CCDC60: variants seen among roughly 807,000 people sequenced by gnomAD.
The protein encoded by CCDC60 is coiled-coil domain containing 60.
A neutral mutation model predicts 63.5 loss-of-function variants in CCDC60; 54 were observed. The observed-to-expected ratio is 0.85, with a 90% CI of 0.68 to 1.07. The LOEUF (loss-of-function observed/expected upper bound fraction) is 1.07, where lower values mean the gene tolerates loss of function less well. CCDC60 is among the 50% of genes least tolerant of loss of function. CCDC60 has a pLI of 0.00. For missense variants in CCDC60, 651 were observed against 684.3 expected (o/e 0.95, Z 0.54); for synonymous variants, 206 against 238.8 (o/e 0.86, Z 1.27).
At chr12:119,474,517 A>C (rs1159458640) in intron 3 of CCDC60, among the ~76,000 whole-genome samples, 1 of 152,192 alleles carries the variant, frequency 6.6e-6, no homozygotes, top group East Asian at 1.9e-4. Context: ...AACAGAGAGC[A>C]GATTGTTGGT....
At chr12:119,525,600 G>C (rs1952659231) in intron 11 of CCDC60, among the ~76,000 whole-genome samples, 1 of 152,170 alleles carries the variant, frequency 6.6e-6, no homozygotes, top group African/African-American at 2.4e-5. Context: ...CAAATGTTGA[G>C]GGACTTAATC....
chr12:119,523,184 C>A (rs1351670674), intron 10 of CCDC60, among the ~76,000 whole-genome samples, 183 bp downstream of exon 10: 1 of 152,206 alleles, frequency 6.6e-6, no homozygotes, highest in East Asian at 1.9e-4. Flanking sequence ...AGCAGCAATG[C>A]AGACAATGGC....
intron 1 of CCDC60, among the ~76,000 whole-genome samples, chr12:119,393,596 G>A (rs991406449): frequency 6.6e-6 from 1 of 152,194 alleles, no homozygotes; most frequent in Non-Finnish European, 1.5e-5. Flanking sequence ...AATGTACATG[G>A]AATAAATGCA....
intron 1 of CCDC60, among the ~76,000 whole-genome samples, chr12:119,419,101 G>C (rs540598998): frequency 2.0e-5 from 3 of 152,292 alleles, no homozygotes; most frequent in Non-Finnish European, 2.9e-5. Flanking sequence ...CTTTGCTCTG[G>C]ATCTCCCTGT....
chr12:119,506,619 G>A (rs990943141), intron 7 of CCDC60, among the ~76,000 whole-genome samples: 1 of 151,518 alleles, frequency 6.6e-6, no homozygotes, highest in African/African-American at 2.4e-5. Context: ...CTCAAAAAGA[G>A]AAAAGAAGAG....
intron 5 of CCDC60, among the ~76,000 whole-genome samples, chr12:119,499,799 G>C (rs1221568843): frequency 2.0e-5 from 3 of 152,066 alleles, no homozygotes; most frequent in African/African-American, 7.2e-5. Context: ...TCTAGGAGAG[G>C]ACCGAGTCTA....
chr12:119,507,507 CATATATATACAT>C (rs1566049860), intron 7 of CCDC60, among the ~76,000 whole-genome samples: 1 of 122,178 alleles, frequency 8.2e-6, no homozygotes, highest in Non-Finnish European at 1.6e-5. Context: ...TATATACACA[CATATATATACAT>C]ATATATACAC....
chr12:119,428,690 A>G lies in CCDC60; in HGVS notation c.98A>G (p.Asp33Gly), dbSNP rs1340370541. 6.2e-7 allele frequency: 1 copy of G among 1,600,902 alleles called. No homozygotes were observed. Among genetic ancestry groups the G allele is most frequent in the Admixed American group, 1.7e-5 (1 of 58,892 alleles). The change falls in exon 2 of 14, where the codon GAC becomes GGC. Residue 33 changes from aspartate to glycine, a missense_variant. Transcript: ENST00000327554. ...YASENLRQVP[D>G]KPMKSIKYMD... ...CCCTTGTCTTCTCATCAGGTCCCAG[A>G]CAAGCCAATGAAGAGCATCAAGTAT... is the stretch of plus-strand genomic sequence containing the variant.
Position 119,540,819 on chromosome 12 carries a change from T to C in CCDC60, c.*104T>C. The stretch of plus-strand genomic sequence containing the variant: ...GCCTCCTGACTACCCTCATGGATGC[T>C]CTTTATGGATGACCCTTTACAGTAG... On this transcript the variant is annotated 3_prime_UTR_variant, in exon 14 of 14. Coordinates refer to ENST00000327554, the MANE Select transcript of CCDC60 (RefSeq NM_178499.5). 1 of 764,188 alleles carries C rather than the reference T, an allele frequency of 1.3e-6. No individual in the cohort carries two copies. The highest frequency in any genetic ancestry group is 2.2e-6 in the Non-Finnish European group (1 of 457,164). 47.3% of individuals were successfully genotyped at this position (764,188 alleles called of 1,614,324 possible).
At position 119,456,054 on chromosome 12, in the gene CCDC60, A is replaced by G. The variant is rs1593114671; in HGVS notation, c.171-15940A>G. On this transcript the variant is annotated intron_variant, in intron 2 of 13. Coordinates refer to ENST00000327554, the MANE Select transcript of CCDC60 (RefSeq NM_178499.5). This position sits in a 1 kb window ranked among gnomAD's most constrained non-coding sequence, Gnocchi z 4.6. ...AAGAAAGAAAGAAAGAAAGAAAGAAAGAAAGAAAGCAAGCAAGCATGTGCA... is the reference window on the plus strand; with the variant it reads ...AAGAAAGAAAGAAAGAAAGAAAGAAGGAAAGAAAGCAAGCAAGCATGTGCA... Among the ~76,000 whole-genome samples the G allele has an allele frequency of 7.2e-6, 1 of 139,326 alleles. No homozygotes were observed. Among genetic ancestry groups the G allele is most frequent in the East Asian group, 2.4e-4 (1 of 4,120 alleles). 91.4% of individuals were successfully genotyped at this position (139,326 alleles called of 152,430 possible). A position where few individuals can be genotyped will look rare whatever the true frequency, so the allele number is the denominator to read the frequency against.
intron 4 of CCDC60, among the ~76,000 whole-genome samples, chr12:119,481,649 T>G (rs937183787): frequency 2.6e-5 from 4 of 152,080 alleles, no homozygotes; most frequent in African/African-American, 9.7e-5. Flanking sequence ...CAGGTGGTGT[T>G]TGGTTACATC....
intron 2 of CCDC60, among the ~76,000 whole-genome samples, chr12:119,448,271 C>G (rs1350786932): frequency 6.6e-6 from 1 of 151,914 alleles, no homozygotes; most frequent in Admixed American, 6.5e-5. Flanking sequence ...ATGAAATCGT[C>G]AAGTGGTATA....
intron 2 of CCDC60, among the ~76,000 whole-genome samples, chr12:119,451,951 T>C (rs1289871039): frequency 6.6e-6 from 1 of 152,168 alleles, no homozygotes; most frequent in Non-Finnish European, 1.5e-5. Context: ...ACCAACATCA[T>C]CTTTTCTTCT....
At chr12:119,408,841 G>A (rs985164447) in intron 1 of CCDC60, among the ~76,000 whole-genome samples, 3 of 150,898 alleles carry the variant, frequency 2.0e-5, no homozygotes, top group Non-Finnish European at 3.0e-5. Flanking sequence ...AAAACAAAGA[G>A]TAATAGCAAT....
At chr12:119,421,985 C>T (rs1956821644) in intron 1 of CCDC60, among the ~76,000 whole-genome samples, 1 of 152,168 alleles carries the variant, frequency 6.6e-6, no homozygotes. Flanking sequence ...CTCCCAGAAC[C>T]CCACCTCCAT....
chr12:119,352,302 G>A (rs183729124), intron 1 of CCDC60, among the ~76,000 whole-genome samples: 2 of 152,270 alleles, frequency 1.3e-5, no homozygotes, highest in African/African-American at 4.8e-5. Flanking sequence ...TTTGAATGGG[G>A]ACATGGGTCC....
intron 7 of CCDC60, among the ~76,000 whole-genome samples, chr12:119,511,739 G>A (rs77175147): frequency 2.8e-4 from 42 of 152,290 alleles, no homozygotes; most frequent in East Asian, 1.5e-3. Context: ...GTGCCAGGTC[G>A]CTGTGGTCAT....
intron 2 of CCDC60, among the ~76,000 whole-genome samples, chr12:119,445,159 C>T (rs11064798): frequency 6.6e-5 from 10 of 151,958 alleles, no homozygotes; most frequent in African/African-American, 2.2e-4. Context: ...TGAGGCCAGG[C>T]GCGGTGGCTC....
At chr12:119,338,796 C>T (rs576764062) in intron 1 of CCDC60, among the ~76,000 whole-genome samples, 6 of 152,078 alleles carry the variant, frequency 3.9e-5, no homozygotes, top group Non-Finnish European at 8.8e-5. Context: ...TGGCCTCTCC[C>T]GGGGGAAGGT....
Sources: allele counts gnomAD v4.1 joint callset (sites outside exome capture counted in the v4.1 genomes callset), GRCh38; gene constraint gnomAD v4.1.1; non-coding constraint Gnocchi (gnomAD v3.1); transcripts MANE v1.5; gene names NCBI Gene and HGNC (gene_info 2026-07-23, HGNC 2026-07-21).